ZNF44: variants seen among roughly 807,000 people sequenced by gnomAD.
The protein encoded by ZNF44 is gonadotropin inducible transcription repressor-2.
A neutral mutation model predicts 11.7 loss-of-function variants in ZNF44; 9 were observed. The ratio of observed to expected loss-of-function variants is 0.77; its 90% CI spans 0.46 to 1.35. The LOEUF (loss-of-function observed/expected upper bound fraction) is 1.35, where lower values mean the gene tolerates loss of function less well. ZNF44 is among the 40% of genes most tolerant of loss of function. The pLI is 0.00. For missense variants in ZNF44, 696 were observed against 743.1 expected, an observed-to-expected ratio of 0.94 and a Z score of 0.74; for synonymous variants, 224 against 242.7, an observed-to-expected ratio of 0.92 and a Z score of 0.72.
chr19:12,264,457 GAAA>G lies in ZNF44; in HGVS notation c.1912+8027_1912+8029del, dbSNP rs566374427. ...AGAACACTTTTGATATTTTAAATGA[GAAA>G]AACCCAGTGTTTCAAGAATTCAGCA... On this transcript the variant is annotated intron_variant and NMD_transcript_variant, in intron 5 of 7. Coordinates refer to the ZNF44 transcript ENST00000393337. 1.6e-4 allele frequency among the ~76,000 whole-genome samples: 25 copies of G among 152,146 alleles called. No homozygotes were observed. In the South Asian group the frequency reaches 5.2e-3, roughly 32 times the overall value.
intron 5 of ZNF44, among the ~76,000 whole-genome samples, chr19:12,262,222 C>A (rs1235693896): frequency 1.3e-5 from 2 of 152,142 alleles, no homozygotes; most frequent in African/African-American, 4.8e-5. Flanking sequence ...AAAATAGGAA[C>A]TCAATTGAAT....
intron 1 of ZNF44, among the ~76,000 whole-genome samples, chr19:12,278,223 G>A (rs1285027378): frequency 6.6e-6 from 1 of 152,214 alleles, no homozygotes; most frequent in Non-Finnish European, 1.5e-5. Context: ...TGTGCCTTAA[G>A]GACAAGTTCC....
At position 12,272,261 on chromosome 19, in the gene ZNF44, T is replaced by G; in HGVS notation, c.*146A>C. 3 of 1,299,818 alleles carry G rather than the reference T, an allele frequency of 2.3e-6. No homozygotes were observed. The highest frequency in any genetic ancestry group is 2.9e-6 in the Non-Finnish European group (3 of 1,024,458). 80.5% of individuals were successfully genotyped at this position (1,299,818 alleles called of 1,614,324 possible). On this transcript the variant is annotated 3_prime_UTR_variant, in exon 4 of 4. Transcript: ENST00000355684. ...CTCGTGATCTGCCCTCCTCGGCCTC[T>G]CAAAGTGCTGGGATTACAGGTGTGA... is the stretch of plus-strand genomic sequence containing the variant.
At chr19:12,239,568 ATTTT>A (rs1158604076), upstream of ZNF44, among the ~76,000 whole-genome samples, 681 of 76,052 alleles carry the variant, frequency 9.0e-3, 6 homozygotes, top group African/African-American at 0.026. Context: ...CCCAAGTTGC[ATTTT>A]TTTTTTTTTT....
At chr19:12,284,874 G>A in intron 1 of ZNF44, 1 of 773,212 alleles carries the variant, frequency 1.3e-6, no homozygotes, top group South Asian at 1.5e-5. Flanking sequence ...CTGCGGCTCT[G>A]TGCTGGTGCG....
chr19:12,269,680 A>AT (rs758680217), downstream of ZNF44, among the ~76,000 whole-genome samples: 82 of 152,340 alleles, frequency 5.4e-4, no homozygotes, highest in Middle Eastern at 6.8e-3. Flanking sequence ...TATAAATGTT[A>AT]TAACATTTCT....
chr19:12,226,100 C>T (rs1915907224), downstream of ZNF44: 1 of 152,170 alleles, frequency 6.6e-6, no homozygotes, highest in Non-Finnish European at 1.5e-5. Context: ...AAAGACAAAT[C>T]ATACCAGTAG....
Position 12,273,869 on chromosome 19 carries a change from T to C in ZNF44, c.386A>G (p.Lys129Arg), listed in dbSNP as rs1330371530. ...NCYIRVDTGHKHRECHEYAEK... is the reference protein window; with the variant it reads ...NCYIRVDTGHRHRECHEYAEK... The stretch of plus-strand genomic sequence containing the variant: ...TGCATATTCATGACACTCCCGGTGT[T>C]TGTGTCCAGTATCAACTCTGATGTA... Residue 129 changes from lysine (K) to arginine (R), a missense_variant, in exon 4 of 4, where the codon AAA becomes AGA. Physicochemically the swap from Lys to Arg is conservative, Grantham distance 26. Coordinates refer to ENST00000355684, the MANE Select transcript of ZNF44 (RefSeq NM_016264.4). The C allele has an allele frequency of 1.2e-6, 2 of 1,614,182 alleles. No individual in the cohort carries two copies. The highest frequency in any genetic ancestry group is 8.5e-7 in the Non-Finnish European group (1 of 1,180,028).
At chr19:12,232,869 T>C (rs1256842198) in intron 2 of ZNF44, among the ~76,000 whole-genome samples, 1 of 152,164 alleles carries the variant, frequency 6.6e-6, no homozygotes, top group Non-Finnish European at 1.5e-5. Context: ...ACCATTGTCA[T>C]GCCAGGATGA....
chr19:12,269,368 C>T (rs931451672), downstream of ZNF44, among the ~76,000 whole-genome samples: 8 of 151,996 alleles, frequency 5.3e-5, no homozygotes, highest in Admixed American at 3.3e-4. Flanking sequence ...ACTAAAAATA[C>T]AAAATTAGCC....
Position 12,274,066 on chromosome 19 carries a change from G to GT in ZNF44, c.192-4dup, listed in dbSNP as rs1308243934. The GT allele has an allele frequency of 6.3e-7, 1 of 1,590,818 alleles. No homozygotes were observed. Among genetic ancestry groups the GT allele is most frequent in the African/African-American group, 1.4e-5 (1 of 73,830 alleles). On this transcript the variant is annotated splice_region_variant and splice_polypyrimidine_tract_variant and intron_variant, in intron 3 of 3. Coordinates refer to ENST00000355684, the MANE Select transcript of ZNF44 (RefSeq NM_016264.4). ...CAAATCTCTCTACCACATCACACCT[G>GT]TAAAAAATGAAAAGTACATTACTAA...
chr19:12,248,214 T>C, exon 8 of ZNF44: 2 of 1,307,392 alleles, frequency 1.5e-6, no homozygotes, highest in Non-Finnish European at 2.0e-6. Context: ...CTCTCCAGTA[T>C]GAGCCTTTTC....
chr19:12,284,691 A>C lies in ZNF44; in HGVS notation c.4-8609T>G. ...CACCAGGTTCAAGGCGTTTGTTGCC[A>C]TCGGGGACTACAATGGCCATGTCCG... On this transcript the variant is annotated intron_variant, in intron 1 of 3. Coordinates refer to ENST00000355684, the MANE Select transcript of ZNF44 (RefSeq NM_016264.4). 6.8e-6 allele frequency: 5 copies of C among 738,858 alleles called. No individual in the cohort carries two copies. The South Asian group carries it at 7.3e-5, about 11-fold the overall frequency. The allele number at this position is 738,858 out of a possible 1,614,324, so 45.8% of individuals were successfully genotyped here.
chr19:12,255,105 C>G (rs1917187833), intron 5 of ZNF44, among the ~76,000 whole-genome samples: 3 of 110,946 alleles, frequency 2.7e-5, no homozygotes, highest in East Asian at 3.9e-4. Flanking sequence ...CACACACACA[C>G]ACACACACAC....
At chr19:12,255,093 C>CAA in intron 5 of ZNF44, among the ~76,000 whole-genome samples, 1 of 41,228 alleles carries the variant, frequency 2.4e-5, no homozygotes, top group African/African-American at 1.1e-4. Context: ...CGTCTCAAAA[C>CAA]ACACACACAC....
upstream of ZNF44, among the ~76,000 whole-genome samples, chr19:12,242,091 C>CTAAT (rs1331167285): frequency 6.6e-6 from 1 of 151,574 alleles, no homozygotes; most frequent in Non-Finnish European, 1.5e-5. Flanking sequence ...TTTTTTTGGA[C>CTAAT]TAATGAAAAA....
At chr19:12,292,938 C>T (rs1158103347) in intron 1 of ZNF44, among the ~76,000 whole-genome samples, 1 of 129,696 alleles carries the variant, frequency 7.7e-6, no homozygotes, top group Admixed American at 9.8e-5. Flanking sequence ...ATTGTGATTT[C>T]GGCTCACTGC....
chr19:12,249,946 G>C, intron 7 of ZNF44: 6 of 1,247,212 alleles, frequency 4.8e-6, no homozygotes, highest in Non-Finnish European at 6.2e-6. Flanking sequence ...TTTTCTCCTA[G>C]AATACTGCTT....
chr19:12,268,636 TAC>T (rs1917829324), downstream of ZNF44, among the ~76,000 whole-genome samples: 2 of 151,970 alleles, frequency 1.3e-5, no homozygotes, highest in South Asian at 4.1e-4. Context: ...CAGGCTGGAG[TAC>T]AGAGGCATGA....
Sources: allele counts gnomAD v4.1 joint callset (sites outside exome capture counted in the v4.1 genomes callset), GRCh38; gene constraint gnomAD v4.1.1; transcripts MANE v1.5; gene names NCBI Gene and HGNC (gene_info 2026-07-23, HGNC 2026-07-21).